The following EZR variants were observed in gnomAD, a reference collection of about 807,000 sequenced individuals.
The protein encoded by EZR is cytovillin 2.
In EZR, 40 loss-of-function variants were observed where a neutral mutation model predicts 74.8. The observed-to-expected ratio is 0.53, with a 90% CI of 0.42 to 0.70. The LOEUF (loss-of-function observed/expected upper bound fraction) is 0.70, where lower values mean the gene tolerates loss of function less well. EZR is among the 30% of genes least tolerant of loss of function. The probability of loss-of-function intolerance (pLI) is 0.00; values close to 1 mark genes in which losing one functional copy is unlikely to be tolerated. For synonymous variants in EZR, 341 were observed against 283.3 expected (o/e 1.20, Z -2.05); for missense variants, 678 against 755.8 (o/e 0.90, Z 1.21).
intron 2 of EZR, among the ~76,000 whole-genome samples, chr6:158,814,973 C>T (rs938326755): frequency 1.3e-5 from 2 of 152,180 alleles, no homozygotes; most frequent in Non-Finnish European, 2.9e-5. Context: ...ATCAAAAATA[C>T]TTTGCCCGTT....
At chr6:158,804,876 T>G (rs565279442) in intron 2 of EZR, among the ~76,000 whole-genome samples, 1 of 150,414 alleles carries the variant, frequency 6.6e-6, no homozygotes, top group South Asian at 2.1e-4. Flanking sequence ...ACTCGTCATC[T>G]AGCATTAGGT....
At chr6:158,786,278 G>A (rs1272592739) in intron 4 of EZR, among the ~76,000 whole-genome samples, 1 of 152,104 alleles carries the variant, frequency 6.6e-6, no homozygotes, top group Non-Finnish European at 1.5e-5. Flanking sequence ...GGAGGCTGAG[G>A]CAGGAGAATC....
At chr6:158,805,825 T>C (rs1777325874) in intron 2 of EZR, among the ~76,000 whole-genome samples, 1 of 152,198 alleles carries the variant, frequency 6.6e-6, no homozygotes, top group Non-Finnish European at 1.5e-5. Flanking sequence ...ACCCTATCAC[T>C]CACCCCAACC....
Position 158,765,849 on chromosome 6 carries a change from G to T in EZR, c.*1065C>A, listed in dbSNP as rs557709273. On this transcript the variant is annotated 3_prime_UTR_variant, in exon 14 of 14. Coordinates refer to ENST00000367075, the MANE Select transcript of EZR (RefSeq NM_001111077.2). ...AGCAGTGCACGAGAAGGAATGAGTG[G>T]GCGGAACCAACGGCCTCCACAAGCT... 1.3e-5 allele frequency: 2 copies of T among 152,256 alleles called. No individual in the cohort carries two copies. The highest frequency in any genetic ancestry group is 4.8e-5 in the African/African-American group (2 of 41,460). 9.4% of individuals were successfully genotyped at this position (152,256 alleles called of 1,614,324 possible).
intron 2 of EZR, among the ~76,000 whole-genome samples, chr6:158,816,215 C>A (rs948438220): frequency 6.6e-6 from 1 of 152,106 alleles, no homozygotes; most frequent in African/African-American, 2.4e-5. Context: ...GAGTTTCAAT[C>A]TGGGAAGATA....
rs750031790 is a variant in EZR at position 158,785,324 on chromosome 6, C to T, written c.452G>A (p.Arg151Gln). The T allele has an allele frequency of 8.1e-6, 13 of 1,613,872 alleles. No individual in the cohort carries two copies. The highest frequency in any genetic ancestry group is 6.7e-5 in the African/African-American group (5 of 74,924). ...CTGTGCTCACCTTTGAGGGATCAGC[C>T]GCTCAGAGCTGAGGTACCCAGACTT... ...VHKSGYLSSE[R>Q]LIPQRVMDQH... Residue 151 changes from arginine to glutamine, a missense_variant, in exon 5 of 14, where the codon CGG (arginine) becomes CAG (glutamine). This residue lies in a region of EZR where 217 missense variants were observed against 232.2 expected (regional missense o/e 0.93). Coordinates refer to ENST00000367075, the MANE Select transcript of EZR (RefSeq NM_001111077.2).
At chr6:158,805,271 G>A (rs965570676) in intron 2 of EZR, among the ~76,000 whole-genome samples, 7 of 149,886 alleles carry the variant, frequency 4.7e-5, no homozygotes, top group Non-Finnish European at 1.0e-4. Context: ...CCAGGGAGTC[G>A]GAGGCTGCAG....
intron 3 of EZR, 98 bp downstream of exon 3, chr6:158,789,190 G>T: frequency 1.2e-6 from 1 of 830,640 alleles, no homozygotes; most frequent in Non-Finnish European, 1.9e-6. Flanking sequence ...CCTCAAGTGA[G>T]TAAAACAAGG....
At chr6:158,803,578 T>C (rs56146235) in intron 2 of EZR, among the ~76,000 whole-genome samples, 263 of 18,438 alleles carry the variant, frequency 0.014, 20 homozygotes, top group African/African-American at 0.054. Context: ...TATATATATA[T>C]ATACATATAT....
intron 2 of EZR, among the ~76,000 whole-genome samples, chr6:158,809,940 C>G (rs1777417872): frequency 6.6e-6 from 1 of 152,138 alleles, no homozygotes; most frequent in Non-Finnish European, 1.5e-5. Context: ...GTTTACCTAC[C>G]CCATCCTAAA....
intron 2 of EZR, among the ~76,000 whole-genome samples, chr6:158,810,289 A>G (rs1197784821): frequency 6.6e-6 from 1 of 152,212 alleles, no homozygotes; most frequent in Admixed American, 6.5e-5. Flanking sequence ...GAACGGGTTA[A>G]TGAATAAAGG....
chr6:158,797,728 C>T (rs987603678), intron 2 of EZR, among the ~76,000 whole-genome samples: 3 of 152,172 alleles, frequency 2.0e-5, no homozygotes, highest in African/African-American at 4.8e-5. Context: ...GAATTAAAAA[C>T]TTTGCAGCTA....
chr6:158,784,301 TA>T (rs1279565919), intron 6 of EZR, among the ~76,000 whole-genome samples: 2 of 152,238 alleles, frequency 1.3e-5, no homozygotes, highest in East Asian at 3.8e-4. Flanking sequence ...TACCTTCATA[TA>T]ATGAGCAAAC....
chr6:158,818,138 T>C lies in EZR; in HGVS notation c.-45A>G, dbSNP rs200562808. 9 of 1,604,856 alleles carry C rather than the reference T, an allele frequency of 5.6e-6. No homozygotes were observed. In the East Asian group the frequency reaches 1.6e-4, roughly 28 times the overall value. Reference sequence around the variant, plus strand: ...TCCTCGATCCCCGAAAACACGACTATCCAGCAGCAGCGAAGACGCTGTCCC... The same window carrying C: ...TCCTCGATCCCCGAAAACACGACTACCCAGCAGCAGCGAAGACGCTGTCCC... On this transcript the variant is annotated 5_prime_UTR_variant, in exon 2 of 14. Coordinates refer to ENST00000367075, the MANE Select transcript of EZR (RefSeq NM_001111077.2).
At chr6:158,778,292 G>A (rs1791338139) in intron 7 of EZR, among the ~76,000 whole-genome samples, 1 of 152,228 alleles carries the variant, frequency 6.6e-6, no homozygotes, top group Non-Finnish European at 1.5e-5. Context: ...TCTCAAAACA[G>A]GTTCTGACCT....
intron 3 of EZR, among the ~76,000 whole-genome samples, chr6:158,787,786 G>C (rs995780027): frequency 6.6e-6 from 1 of 152,186 alleles, no homozygotes; most frequent in African/African-American, 2.4e-5. Context: ...AATGCACAGG[G>C]GTGCCCAGAG....
chr6:158,788,439 G>A (rs1791641277), intron 3 of EZR: 1 of 152,266 alleles, frequency 6.6e-6, no homozygotes, highest in Non-Finnish European at 1.5e-5. Flanking sequence ...TTGAGTTCAG[G>A]AGTTCGAGAC....
rs747387588 is a variant in EZR at position 158,767,332 on chromosome 6, G to T, written c.1525C>A (p.Arg509=). 1 of 1,614,042 alleles carries T rather than the reference G, an allele frequency of 6.2e-7. No homozygotes were observed. Among genetic ancestry groups the T allele is most frequent in the African/African-American group, 1.3e-5 (1 of 74,920 alleles). ...YSAELSSEGI[R]DDRNEEKRIT... is the part of the protein sequence containing the mutation. ...CGCTTCTCCTCATTGCGGTCATCCC[G>T]GATGCCCTCACTAGACAGCTCCGCG... The change falls in exon 13 of 14, where the codon CGG becomes AGG. Residue 509 remains arginine (R), a synonymous_variant. Transcript: ENST00000367075.
Position 158,766,857 on chromosome 6 carries a change from G to C in EZR, c.*57C>G. 1 of 1,529,526 alleles carries C rather than the reference G, an allele frequency of 6.5e-7. No homozygotes were observed. Among genetic ancestry groups the C allele is most frequent in the Non-Finnish European group, 9.0e-7 (1 of 1,115,114 alleles). The allele number at this position is 1,529,526 out of a possible 1,614,324, so 94.7% of individuals were successfully genotyped here. A position where few individuals can be genotyped will look rare whatever the true frequency, so the allele number is the denominator to read the frequency against. On this transcript the variant is annotated 3_prime_UTR_variant, in exon 14 of 14. Transcript: ENST00000367075. ...TTGGAGCACTAAAGACACAAGCGTG[G>C]CGGGGCTGGCAGCGCCCGCTATGAG...
Sources: gnomAD v4.1 joint callset for allele counts (sites outside exome capture counted in the v4.1 genomes callset) on GRCh38, gnomAD v4.1.1 for gene constraint, gnomAD v4.1.1 regional missense constraint, MANE v1.5 for transcripts, NCBI Gene and HGNC (gene_info 2026-07-23, HGNC 2026-07-21) for gene names.